EIF3H: variants seen among roughly 807,000 people sequenced by gnomAD.
EIF3H encodes the protein eIF-3-gamma.
In EIF3H, 26 loss-of-function variants were observed where a neutral mutation model predicts 44.2. The observed-to-expected ratio is 0.59, with a 90% CI of 0.43 to 0.82. The LOEUF is 0.82. EIF3H is among the 40% of genes least tolerant of loss of function. The probability of loss-of-function intolerance (pLI) is 0.00; values close to 1 mark genes in which losing one functional copy is unlikely to be tolerated. For missense variants in EIF3H, 359 were observed against 432.8 expected (o/e 0.83, Z 1.51); for synonymous variants, 166 against 151.9 (o/e 1.09, Z -0.68).
At chr8:116,765,474 A>C (rs1390542315) in intron 1 of EIF3H, 2 of 152,210 alleles carry the variant, frequency 1.3e-5, no homozygotes, top group African/African-American at 4.8e-5. Flanking sequence ...GCAAGGACAA[A>C]AATGCAAAAT....
In EIF3H at chr8:116,667,988, T is replaced by C. The variant is rs529419263; in HGVS notation, c.290-9008A>G. Among the ~76,000 whole-genome samples, 8 of 152,276 alleles carry C rather than the reference T, an allele frequency of 5.3e-5. No homozygotes were observed. The South Asian group carries it at 1.4e-3, about 28-fold the overall frequency. ...TGAGCATTTTCAAAAGTCCCATAGGTACCACACACCATAAAGGTATAGACT... is the reference window on the plus strand; with the variant it reads ...TGAGCATTTTCAAAAGTCCCATAGGCACCACACACCATAAAGGTATAGACT... On this transcript the variant is annotated intron_variant, in intron 2 of 7. Transcript: ENST00000521861.
At chr8:116,709,295 T>G (rs1471988785) in intron 2 of EIF3H, among the ~76,000 whole-genome samples, 1 of 152,262 alleles carries the variant, frequency 6.6e-6, no homozygotes, top group Non-Finnish European at 1.5e-5. Context: ...CCCAAAAAAT[T>G]TTTTAAAAAG....
chr8:116,715,674 C>T (rs1277836733), intron 2 of EIF3H, among the ~76,000 whole-genome samples: 1 of 152,044 alleles, frequency 6.6e-6, no homozygotes, highest in Non-Finnish European at 1.5e-5. Context: ...TGCTGAAAAG[C>T]AAGGCAGTGA....
chr8:116,643,679 G>T lies in EIF3H; in HGVS notation c.*1327C>A, dbSNP rs995615395. The T allele has an allele frequency of 6.6e-6, 1 of 152,188 alleles. No homozygotes were observed. Among genetic ancestry groups the T allele is most frequent in the African/African-American group, 2.4e-5 (1 of 41,456 alleles). 9.4% of individuals were successfully genotyped at this position (152,188 alleles called of 1,614,324 possible). ...GGGAGGTTAAATAACTTAGGAAAAG[G>T]AGGAGCCAGGTTTCAATCTGGCTGC... On this transcript the variant is annotated 3_prime_UTR_variant, in exon 8 of 8. Coordinates refer to ENST00000521861, the MANE Select transcript of EIF3H (RefSeq NM_003756.3).
chr8:116,710,399 T>C (rs1586469417), intron 2 of EIF3H, among the ~76,000 whole-genome samples: 2 of 152,326 alleles, frequency 1.3e-5, no homozygotes, highest in South Asian at 2.1e-4. Flanking sequence ...AGTTTCTCCA[T>C]TCCATGTAGC....
At chr8:116,702,179 G>A (rs1034513614) in intron 2 of EIF3H, among the ~76,000 whole-genome samples, 10 of 152,118 alleles carry the variant, frequency 6.6e-5, no homozygotes, top group African/African-American at 2.2e-4. Context: ...AATGGGGAAG[G>A]GGGTAGAGAA....
rs145371156 is a variant in EIF3H, at chr8:116,716,161, G to A, written c.289+9855C>T. ...ATCTCATAAGGAAATTATCATTCTC[G>A]TTGTTTCTAGTACTCAAGTGAGCAA... On this transcript the variant is annotated intron_variant, in intron 2 of 7. Coordinates refer to ENST00000521861, the MANE Select transcript of EIF3H (RefSeq NM_003756.3). Among the ~76,000 whole-genome samples the A allele has an allele frequency of 5.7e-4, 87 of 152,056 alleles. No homozygotes were observed. The East Asian group carries it at 0.013, about 23-fold the overall frequency.
chr8:116,728,952 T>C lies in EIF3H; in HGVS notation c.133-2780A>G, dbSNP rs997139891. Among the ~76,000 whole-genome samples, 6 of 152,224 alleles carry C rather than the reference T, an allele frequency of 3.9e-5. No homozygotes were observed. In the East Asian group the frequency reaches 1.2e-3, roughly 29 times the overall value. ...AATAAATGACCAATATTGTTGATAT[T>C]TGTCAATAACTATTTAATGCTTATT... On this transcript the variant is annotated intron_variant, in intron 1 of 7. Coordinates refer to ENST00000521861, the MANE Select transcript of EIF3H (RefSeq NM_003756.3).
chr8:116,652,444 A>C lies in EIF3H; in HGVS notation c.707+3412T>G, dbSNP rs570903148. The stretch of plus-strand genomic sequence containing the variant: ...ACAAAAGGAGATGGATACTAAAGGC[A>C]TGAGATTAAAAGGTATTCTTTTCAT... On this transcript the variant is annotated intron_variant, in intron 5 of 7. Coordinates refer to ENST00000521861, the MANE Select transcript of EIF3H (RefSeq NM_003756.3). 4.0e-4 allele frequency among the ~76,000 whole-genome samples: 61 copies of C among 152,370 alleles called. 1 individual carries two copies. The South Asian group carries it at 0.012, about 30-fold the overall frequency.
chr8:116,680,993 C>CA (rs937586494), intron 2 of EIF3H, among the ~76,000 whole-genome samples: 1 of 149,870 alleles, frequency 6.7e-6, no homozygotes, highest in African/African-American at 2.5e-5. Flanking sequence ...AAAGAGTTTA[C>CA]AGTACAGCTT....
At chr8:116,709,421 G>C (rs1215399058) in intron 2 of EIF3H, among the ~76,000 whole-genome samples, 1 of 152,158 alleles carries the variant, frequency 6.6e-6, no homozygotes, top group Non-Finnish European at 1.5e-5. Context: ...TTTCTATGGA[G>C]ATAACAGATG....
chr8:116,684,095 C>T (rs1187039936), intron 2 of EIF3H, among the ~76,000 whole-genome samples: 2 of 152,174 alleles, frequency 1.3e-5, no homozygotes, highest in African/African-American at 4.8e-5. Flanking sequence ...AGATATGTCA[C>T]TAATAATTCC....
intron 1 of EIF3H, chr8:116,734,350 G>A (rs1279907060): frequency 2.2e-6 from 1 of 455,980 alleles, no homozygotes; most frequent in East Asian, 6.9e-5. Flanking sequence ...TCAGCCCTAT[G>A]AAAACTTGGG....
chr8:116,668,820 A>G (rs1328567932), intron 2 of EIF3H, among the ~76,000 whole-genome samples: 3 of 152,192 alleles, frequency 2.0e-5, no homozygotes, highest in Non-Finnish European at 4.4e-5. Flanking sequence ...AGCTTGGTGC[A>G]CTGGAAACCT....
chr8:116,734,280 A>AG, intron 1 of EIF3H: 1 of 456,120 alleles, frequency 2.2e-6, no homozygotes, highest in South Asian at 1.5e-5. Context: ...GCCTTACCTT[A>AG]GGGGGATCCA....
intron 2 of EIF3H, among the ~76,000 whole-genome samples, chr8:116,664,912 G>A (rs1240468781): frequency 2.0e-5 from 3 of 151,860 alleles, no homozygotes; most frequent in Non-Finnish European, 1.5e-5. Flanking sequence ...TAGGCACAGA[G>A]AAAGAAATTA....
intron 2 of EIF3H, among the ~76,000 whole-genome samples, chr8:116,691,206 A>G (rs1472638779): frequency 2.0e-5 from 3 of 152,218 alleles, no homozygotes; most frequent in Non-Finnish European, 4.4e-5. Context: ...ATAACAATCC[A>G]TTTGCAGACT....
intron 1 of EIF3H, among the ~76,000 whole-genome samples, chr8:116,732,528 C>A (rs990712632): frequency 5.9e-5 from 9 of 152,138 alleles, no homozygotes; most frequent in African/African-American, 2.2e-4. Flanking sequence ...AATATTAAAG[C>A]TTTCTGATGA....
chr8:116,667,355 A>G (rs1050476026), intron 2 of EIF3H, among the ~76,000 whole-genome samples: 1 of 152,296 alleles, frequency 6.6e-6, no homozygotes, highest in East Asian at 1.9e-4. Context: ...CTGTTATAGA[A>G]AAATCATGCT....
Sources: allele counts gnomAD v4.1 joint callset (sites outside exome capture counted in the v4.1 genomes callset), GRCh38; gene constraint gnomAD v4.1.1; transcripts MANE v1.5; gene names NCBI Gene and HGNC (gene_info 2026-07-23, HGNC 2026-07-21).